IL13RA1: variants seen among roughly 807,000 people sequenced by gnomAD.
The protein encoded by IL13RA1 is interleukin 13 receptor subunit alpha 1, also known as interleukin-13 receptor subunit alpha-1.
A neutral mutation model predicts 33.8 loss-of-function variants in IL13RA1; 14 were observed. The ratio of observed to expected loss-of-function variants is 0.41; its 90% CI spans 0.27 to 0.65. The LOEUF is 0.65. Among genes scored for constraint, IL13RA1 ranks in the 30% least tolerant of loss-of-function variants. IL13RA1 has a pLI of 0.28. For missense variants in IL13RA1, 313 were observed against 327.0 expected, an observed-to-expected ratio of 0.96 and a Z score of 0.33; for synonymous variants, 116 against 115.7, an observed-to-expected ratio of 1.00 and a Z score of -0.02.
chrX:118,741,265 G>A (rs1043928511), intron 2 of IL13RA1, 109 bp downstream of exon 2: 3 of 528,376 alleles, frequency 5.7e-6, no homozygotes, highest in African/African-American at 4.7e-5. Flanking sequence ...TTGTATTTTA[G>A]GGTGTGTTTA....
intron 10 of IL13RA1, among the ~76,000 whole-genome samples, chrX:118,787,987 A>G (rs2017937805): frequency 8.9e-6 from 1 of 112,045 alleles, no homozygotes; most frequent in Non-Finnish European, 1.9e-5. Context: ...GGATTAAGAG[A>G]TTAAAGTAAA....
downstream of IL13RA1, among the ~76,000 whole-genome samples, chrX:118,798,086 A>G (rs1603226016): frequency 1.1e-5 from 1 of 90,023 alleles, no homozygotes; most frequent in East Asian, 4.2e-4. Context: ...TAATATTGCA[A>G]TTTCTTTAGA....
intron 8 of IL13RA1, among the ~76,000 whole-genome samples, chrX:118,772,806 T>C (rs1174769470): frequency 8.9e-6 from 1 of 112,376 alleles, no homozygotes; most frequent in East Asian, 2.8e-4. Context: ...TATTGGATAG[T>C]ATACATAGTT....
intron 8 of IL13RA1, among the ~76,000 whole-genome samples, chrX:118,773,358 G>A (rs770936328): frequency 1.3e-4 from 14 of 111,481 alleles, no homozygotes; most frequent in Non-Finnish European, 2.4e-4. Flanking sequence ...CGGTGTGGTG[G>A]TGTGCGCCTG....
chrX:118,743,170 G>A (rs771833782), intron 2 of IL13RA1, among the ~76,000 whole-genome samples: 2 of 111,695 alleles, frequency 1.8e-5, no homozygotes, highest in South Asian at 7.6e-4. Flanking sequence ...TTATCATCAG[G>A]AGGCTGAAAA....
chrX:118,773,374 C>G (rs1425738042), intron 8 of IL13RA1, among the ~76,000 whole-genome samples: 2 of 111,344 alleles, frequency 1.8e-5, no homozygotes, highest in South Asian at 7.5e-4. Context: ...GCCTGTAGTC[C>G]CAGCTACTCA....
chrX:118,761,262 C>A lies in IL13RA1; in HGVS notation c.801C>A (p.Ser267Arg), dbSNP rs757428291. 4.0e-5 allele frequency: 42 copies of A among 1,050,139 alleles called. No individual in the cohort carries two copies. Among genetic ancestry groups the A allele is most frequent in the Non-Finnish European group, 5.3e-5 (41 of 766,398 alleles). The allele number at this position is 1,050,139 out of a possible 1,213,427, so 86.5% of individuals were successfully genotyped here. ...CLFYEVEVNNSQTETHNVFYV... is the reference protein window; with the variant it reads ...CLFYEVEVNNRQTETHNVFYV... Reference sequence around the variant, plus strand: ...TTTATGAAGTAGAAGTCAATAACAGCCAAACTGAGACACATAATGTTTTCT... The same window carrying A: ...TTTATGAAGTAGAAGTCAATAACAGACAAACTGAGACACATAATGTTTTCT... Residue 267 changes from serine to arginine, a missense_variant, in exon 6 of 11, where the codon AGC becomes AGA. Ser to Arg is a moderately radical substitution (Grantham distance 110, BLOSUM62 -1). Coordinates refer to ENST00000371666, the MANE Select transcript of IL13RA1 (RefSeq NM_001560.3).
downstream of IL13RA1, among the ~76,000 whole-genome samples, chrX:118,795,459 C>G (rs868611865): frequency 1.8e-5 from 2 of 111,384 alleles, no homozygotes; most frequent in Non-Finnish European, 1.9e-5. Context: ...TGATCTTGGT[C>G]AAGTTATTTA....
chrX:118,734,399 C>A (rs2017258116), intron 1 of IL13RA1, among the ~76,000 whole-genome samples: 1 of 111,904 alleles, frequency 8.9e-6, no homozygotes, highest in African/African-American at 3.2e-5. Flanking sequence ...ATCTTTGTTT[C>A]ATTCCTGACC....
At chrX:118,785,848 G>A (rs1235102245) in intron 10 of IL13RA1, among the ~76,000 whole-genome samples, 1 of 112,005 alleles carries the variant, frequency 8.9e-6, no homozygotes, top group Non-Finnish European at 1.9e-5. Flanking sequence ...GGGATTACAA[G>A]CATGAGCCAC....
At chrX:118,780,459 A>G in intron 10 of IL13RA1, among the ~76,000 whole-genome samples, 1 of 112,813 alleles carries the variant, frequency 8.9e-6, no homozygotes, top group South Asian at 3.6e-4. Context: ...CTATAAAGAC[A>G]TACCTGAAAC....
chrX:118,769,675 A>G (rs1418826113), intron 8 of IL13RA1: 1 of 112,908 alleles, frequency 8.9e-6, no homozygotes, highest in Non-Finnish European at 1.9e-5. Flanking sequence ...ACTAGTTAAG[A>G]TCTTCTGATT....
At chrX:118,768,503 G>GC (rs1478909372) in intron 8 of IL13RA1, among the ~76,000 whole-genome samples, 1 of 112,029 alleles carries the variant, frequency 8.9e-6, no homozygotes. Context: ...GGAGGCTGTT[G>GC]CAGGTTGAAT....
At chrX:118,742,519 G>A (rs1373668098) in intron 2 of IL13RA1, among the ~76,000 whole-genome samples, 2 of 112,380 alleles carry the variant, frequency 1.8e-5, no homozygotes, top group Admixed American at 1.9e-4. Flanking sequence ...TTTTCCTTAA[G>A]TTGTCAAGGA....
At chrX:118,767,490 G>A (rs753281199) in intron 8 of IL13RA1, among the ~76,000 whole-genome samples, 4 of 110,995 alleles carry the variant, frequency 3.6e-5, no homozygotes, top group Non-Finnish European at 7.6e-5. Context: ...ACAGTGAGCT[G>A]AGATTGTGCC....
rs765835021 is a variant in IL13RA1, at chrX:118,757,678, C to CTTTTT, written c.489-351_489-347dup. ...TCTCAGTCATTAAAAAGAATTCTGC[C>CTTTTT]TTTTTTTTTTTTTTTTTTTTTTTTT... On this transcript the variant is annotated intron_variant, in intron 4 of 10. Transcript: ENST00000371666. 1.3e-3 allele frequency among the ~76,000 whole-genome samples: 75 copies of CTTTTT among 58,357 alleles called. 12 individuals are homozygous for CTTTTT. The highest frequency in any genetic ancestry group is 0.011 in the Middle Eastern group (1 of 91). 50.7% of individuals were successfully genotyped at this position (58,357 alleles called of 115,157 possible).
downstream of IL13RA1, among the ~76,000 whole-genome samples, chrX:118,799,435 C>T (rs766361765): frequency 4.4e-5 from 5 of 113,193 alleles, no homozygotes; most frequent in South Asian, 1.4e-3. Flanking sequence ...CTGGTGGGGA[C>T]GTGGAGAGTC....
rs1181296700 is a variant in IL13RA1, at chrX:118,792,780, C to A, written c.*926C>A. 8.9e-6 allele frequency: 1 copy of A among 112,409 alleles called. No homozygotes were observed. The highest frequency in any genetic ancestry group is 1.9e-5 in the Non-Finnish European group (1 of 53,336). 9.3% of individuals were successfully genotyped at this position (112,409 alleles called of 1,213,427 possible). ...GCCATGATGACAACTACAGAAAAAC[C>A]AGAGGCAGCTTCTTTGCCAAGACCT... On this transcript the variant is annotated 3_prime_UTR_variant, in exon 11 of 11. Transcript: ENST00000371666.
At position 118,739,660 on chromosome X, in the gene IL13RA1, G is replaced by A. The variant is rs776405477; in HGVS notation, c.89-1357G>A. ...TGTATACCCATCACCCAGTTTCTGG[G>A]GGATGATTTTGATAGTCTCAGGAGA... On this transcript the variant is annotated intron_variant, in intron 1 of 10. Transcript: ENST00000371666. 9.9e-4 allele frequency among the ~76,000 whole-genome samples: 110 copies of A among 111,250 alleles called. 1 individual carries two copies. Among genetic ancestry groups the A allele is most frequent in the Non-Finnish European group, 1.7e-3 (92 of 53,039 alleles).
Sources: gnomAD v4.1 joint callset for allele counts (sites outside exome capture counted in the v4.1 genomes callset) on GRCh38, gnomAD v4.1.1 for gene constraint, MANE v1.5 for transcripts, NCBI Gene and HGNC (gene_info 2026-07-23, HGNC 2026-07-21) for gene names.